UST: variants seen among roughly 807,000 people sequenced by gnomAD.
The protein encoded by UST is chondroitin sulfate 2-O-sulfotransferase.
In UST, 21 loss-of-function variants were observed where a neutral mutation model predicts 45.6. The observed-to-expected ratio is 0.46, with a 90% CI of 0.33 to 0.66. The LOEUF (loss-of-function observed/expected upper bound fraction) is 0.66. Among genes scored for constraint, UST ranks in the 30% least tolerant of loss-of-function variants. The pLI, the probability that UST is intolerant of heterozygous loss-of-function variation, is 0.02. For synonymous variants in UST, 215 were observed against 200.6 expected, an observed-to-expected ratio of 1.07 and a Z score of -0.61; for missense variants, 463 against 512.4, an observed-to-expected ratio of 0.90 and a Z score of 0.93.
chr6:148,823,054 C>CCCCACATCT (rs1343529046), intron 1 of UST, among the ~76,000 whole-genome samples: 1 of 152,076 alleles, frequency 6.6e-6, no homozygotes, highest in Admixed American at 6.5e-5. Context: ...TGGTGTGTTT[C>CCCCACATCT]CCCACATCTG....
intron 1 of UST, among the ~76,000 whole-genome samples, chr6:148,758,449 C>T (rs147197966): frequency 6.6e-6 from 1 of 152,232 alleles, no homozygotes; most frequent in East Asian, 1.9e-4. Flanking sequence ...AGTATGCTGG[C>T]GCTTACTCTC....
chr6:148,820,167 A>G (rs563380260), intron 1 of UST, among the ~76,000 whole-genome samples: 2 of 152,294 alleles, frequency 1.3e-5, no homozygotes, highest in East Asian at 3.9e-4. Context: ...AAAATCCTCT[A>G]ATCTTTTTCC....
At chr6:149,008,875 A>G (rs991488421) in intron 5 of UST, among the ~76,000 whole-genome samples, 7 of 152,226 alleles carry the variant, frequency 4.6e-5, no homozygotes, top group Non-Finnish European at 8.8e-5. Context: ...CACCAGCAGG[A>G]TGGTGCAGCC....
intron 2 of UST, among the ~76,000 whole-genome samples, chr6:148,921,997 C>A (rs1052246219): frequency 6.6e-6 from 1 of 152,174 alleles, no homozygotes; most frequent in African/African-American, 2.4e-5. Flanking sequence ...GAAACAACCT[C>A]AGATTTAACA....
intron 1 of UST, among the ~76,000 whole-genome samples, chr6:148,847,100 C>G (rs1332051680): frequency 6.6e-6 from 1 of 152,256 alleles, no homozygotes; most frequent in African/African-American, 2.4e-5. Flanking sequence ...GACCTGCTAT[C>G]TTTTAGGATG....
At chr6:148,997,769 C>T (rs1781479806) in intron 5 of UST, among the ~76,000 whole-genome samples, 1 of 152,166 alleles carries the variant, frequency 6.6e-6, no homozygotes, top group African/African-American at 2.4e-5. Flanking sequence ...ATTTCACAGA[C>T]AATTCTTAGT....
At chr6:148,888,184 A>G (rs926267519) in intron 2 of UST, among the ~76,000 whole-genome samples, 3 of 152,212 alleles carry the variant, frequency 2.0e-5, no homozygotes, top group African/African-American at 7.2e-5. Context: ...TTACGTGGCC[A>G]GAGCAGGAAC....
At chr6:148,867,323 CACACATAT>C (rs1175547304) in intron 1 of UST, among the ~76,000 whole-genome samples, 40 of 114,410 alleles carry the variant, frequency 3.5e-4, no homozygotes, top group East Asian at 1.1e-3. Context: ...CACACACACA[CACACATAT>C]ATATGTACGT....
At chr6:149,059,704 G>T (rs965840576) in intron 7 of UST, among the ~76,000 whole-genome samples, 1 of 152,146 alleles carries the variant, frequency 6.6e-6, no homozygotes, top group South Asian at 2.1e-4. Flanking sequence ...AAGAATCCAG[G>T]CAAGAAAATA....
At chr6:148,819,257 A>C (rs1200657122) in intron 1 of UST, among the ~76,000 whole-genome samples, 5 of 152,002 alleles carry the variant, frequency 3.3e-5, no homozygotes. Flanking sequence ...AGTATGGTTT[A>C]AATGTTAAAA....
chr6:148,925,817 C>T lies in UST; in HGVS notation c.292-15462C>T, dbSNP rs148821866. 9.6e-4 allele frequency among the ~76,000 whole-genome samples: 146 copies of T among 152,302 alleles called. 2 individuals are homozygous for T. In the East Asian group the frequency reaches 0.019, roughly 20 times the overall value. ...TGCAAGATGCTTTGAATTTTTAATG[C>T]GCTTACACTAAAATTACACAGGGGC... On this transcript the variant is annotated intron_variant, in intron 2 of 7. Coordinates refer to ENST00000367463, the MANE Select transcript of UST (RefSeq NM_005715.3).
In UST at chr6:148,795,321, G is replaced by A. The variant is rs1226538062; in HGVS notation, c.247+47644G>A. On this transcript the variant is annotated intron_variant, in intron 1 of 7. Coordinates refer to ENST00000367463, the MANE Select transcript of UST (RefSeq NM_005715.3). ...GTTGCCTGGTCTTCGATGTGTTCAG[G>A]AAGTGCCCTGACGGTGAGAGGCCTG... 3.3e-5 allele frequency among the ~76,000 whole-genome samples: 5 copies of A among 152,278 alleles called. No homozygotes were observed. The East Asian group carries it at 9.7e-4, about 29-fold the overall frequency.
At chr6:149,008,085 G>A (rs17081251) in intron 5 of UST, among the ~76,000 whole-genome samples, 8 of 152,238 alleles carry the variant, frequency 5.3e-5, no homozygotes, top group Admixed American at 1.3e-4. Flanking sequence ...TGTGCAGTCC[G>A]TGAGCTAACT....
intron 3 of UST, among the ~76,000 whole-genome samples, chr6:148,945,900 TCTGTTCTGACCCTC>T (rs1780225357): frequency 6.6e-6 from 1 of 152,194 alleles, no homozygotes; most frequent in Admixed American, 6.5e-5. Flanking sequence ...AAACGTAACA[TCTGTTCTGACCCTC>T]CAACAGCTAT....
At position 148,747,258 on chromosome 6, in the gene UST, C is replaced by T. The variant is rs1474244284; in HGVS notation, c.-173C>T. On this transcript the variant is annotated 5_prime_UTR_variant, in exon 1 of 8. Coordinates refer to ENST00000367463, the MANE Select transcript of UST (RefSeq NM_005715.3). ...CCGCTCGGGCCGCGGCGGCGGGGAC[C>T]ATGCCGAAGAAAGTCTCCTGAGCCC... The T allele has an allele frequency of 8.4e-6, 6 of 715,426 alleles. No individual in the cohort carries two copies. The East Asian group carries it at 1.7e-4, about 21-fold the overall frequency. 44.3% of individuals were successfully genotyped at this position (715,426 alleles called of 1,614,324 possible).
chr6:149,059,840 CA>C (rs1776626611), intron 7 of UST, among the ~76,000 whole-genome samples: 1 of 152,168 alleles, frequency 6.6e-6, no homozygotes, highest in Non-Finnish European at 1.5e-5. Context: ...GCCCGTCCAA[CA>C]GCTGCCCTCA....
intron 1 of UST, among the ~76,000 whole-genome samples, chr6:148,882,596 A>G (rs1277681929): frequency 1.3e-5 from 2 of 151,954 alleles, no homozygotes; most frequent in African/African-American, 4.8e-5. Flanking sequence ...GAAGGAGGGA[A>G]AAGAAAGAAA....
chr6:148,766,461 A>G (rs922071544), intron 1 of UST, among the ~76,000 whole-genome samples: 3 of 152,146 alleles, frequency 2.0e-5, no homozygotes, highest in African/African-American at 7.2e-5. Context: ...AGACAGGTTC[A>G]TTCCTTCAAC....
chr6:148,892,930 C>T (rs1582881489), intron 2 of UST, among the ~76,000 whole-genome samples: 1 of 152,006 alleles, frequency 6.6e-6, no homozygotes, highest in African/African-American at 2.4e-5. Context: ...ATGGTAGTTG[C>T]AAGGTAGAAT....
Sources: gnomAD v4.1 joint callset for allele counts (sites outside exome capture counted in the v4.1 genomes callset) on GRCh38, gnomAD v4.1.1 for gene constraint, MANE v1.5 for transcripts, NCBI Gene and HGNC (gene_info 2026-07-23, HGNC 2026-07-21) for gene names.